Variants in ZNF8 observed in about 807,000 individuals in gnomAD.
The protein encoded by ZNF8 is zinc finger protein 272.
A neutral mutation model predicts 12.2 loss-of-function variants in ZNF8; 9 were observed. That is an observed-to-expected ratio of 0.73 (90% CI 0.44 to 1.28). The LOEUF (loss-of-function observed/expected upper bound fraction) is 1.28, where lower values mean the gene tolerates loss of function less well. Ranked by LOEUF, ZNF8 falls within the 50% of genes most tolerant of loss-of-function variation. The probability of loss-of-function intolerance (pLI) is 0.00; values close to 1 mark genes in which losing one functional copy is unlikely to be tolerated. For synonymous variants in ZNF8, 274 were observed against 282.3 expected (o/e 0.97, Z 0.30); for missense variants, 664 against 729.1 (o/e 0.91, Z 1.03).
chr19:58,290,710 C>T (rs1303298433), intron 3 of ZNF8, among the ~76,000 whole-genome samples: 1 of 151,864 alleles, frequency 6.6e-6, no homozygotes, highest in African/African-American at 2.4e-5. Context: ...CAGTGAGCTA[C>T]AATTTGCACC....
In ZNF8 at chr19:58,299,829, A is replaced by C. The variant is rs1195999715; in HGVS notation, c.*4293A>C. ...CTTTTTGGATGCTGGGAGTGTCACA[A>C]CTCAGCTATCCAATCAAGGCAGAGC... On this transcript the variant is annotated 3_prime_UTR_variant, in exon 4 of 4. Coordinates refer to ENST00000621650, the MANE Select transcript of ZNF8 (RefSeq NM_021089.3). 2 of 152,132 alleles carry C rather than the reference A, an allele frequency of 1.3e-5. No individual in the cohort carries two copies. The highest frequency in any genetic ancestry group is 4.8e-5 in the African/African-American group (2 of 41,434). The allele number at this position is 152,132 out of a possible 1,614,324, so 9.4% of individuals were successfully genotyped here.
At chr19:58,286,256 C>G (rs1157530406) in intron 3 of ZNF8, 51 bp downstream of exon 3, 1 of 1,523,206 alleles carries the variant, frequency 6.6e-7, no homozygotes, top group African/African-American at 1.4e-5. Flanking sequence ...TAGCAGGTCA[C>G]TGGAGATGCA....
chr19:58,281,258 T>C (rs1177497053), intron 1 of ZNF8, among the ~76,000 whole-genome samples: 1 of 151,890 alleles, frequency 6.6e-6, no homozygotes, highest in Non-Finnish European at 1.5e-5. Context: ...ACTAAGGCAG[T>C]GGGAAAAAGA....
chr19:58,293,995 C>A, intron 3 of ZNF8, 103 bp from the exon 4 acceptor site: 1 of 1,105,696 alleles, frequency 9.0e-7, no homozygotes, highest in Non-Finnish European at 1.3e-6. Flanking sequence ...GCCAGGGCAG[C>A]TGGTTAGGAC....
In ZNF8 at chr19:58,301,160, C is replaced by G. The variant is rs183948702; in HGVS notation, c.*5624C>G. ...TGTGCCGAAAGCTCCCCAAACCCAG[C>G]CTACCCCAAACAAAACTCATTTTCC... On this transcript the variant is annotated 3_prime_UTR_variant, in exon 4 of 4. Coordinates refer to ENST00000621650, the MANE Select transcript of ZNF8 (RefSeq NM_021089.3). 2 of 152,330 alleles carry G rather than the reference C, an allele frequency of 1.3e-5. No individual in the cohort carries two copies. Among genetic ancestry groups the G allele is most frequent in the Admixed American group, 1.3e-4 (2 of 15,288 alleles). 9.4% of individuals were successfully genotyped at this position (152,330 alleles called of 1,614,324 possible).
chr19:58,294,858 C>CA lies in ZNF8; in HGVS notation c.1052dup (p.Asn351LysfsTer50). 6.2e-7 allele frequency: 1 copy of CA among 1,614,118 alleles called. No individual in the cohort carries two copies. The highest frequency in any genetic ancestry group is 8.5e-7 in the Non-Finnish European group (1 of 1,180,006). ...AGTGTCAGGACTGTGGGAGGGCCTT[C>CA]AACCAGAACTCCTCCCTGGGGCGGC... On this transcript the variant is annotated frameshift_variant, in exon 4 of 4. Coordinates refer to ENST00000621650, the MANE Select transcript of ZNF8 (RefSeq NM_021089.3). LOFTEE classifies it low-confidence loss of function (END_TRUNC). This position sits in a 1 kb window ranked among gnomAD's most constrained non-coding sequence, Gnocchi z 5.5.
At position 58,295,458 on chromosome 19, in the gene ZNF8, A is replaced by G; in HGVS notation, c.1650A>G (p.Lys550=). The part of the protein sequence containing the change: ...LFDIQKIMQE[K]NPVHVIGVEE... ...ACATCCAAAAAATCATGCAAGAGAA[A>G]AACCCTGTGCACGTTATTGGGGTGG... Residue 550 remains lysine, a synonymous_variant, in exon 4 of 4, where the codon AAA becomes AAG. Transcript: ENST00000621650. The G allele has an allele frequency of 1.9e-6, 3 of 1,613,682 alleles. No individual in the cohort carries two copies. Among genetic ancestry groups the G allele is most frequent in the South Asian group, 1.1e-5 (1 of 91,088 alleles).
rs1210048440 is a variant in ZNF8 at position 58,298,028 on chromosome 19, C to A, written c.*2492C>A. ...AATTTCACTTAATTTCTTTTCTTTT[C>A]TTTTTTTTTTTTTTCTTTTGAGACG... is the stretch of plus-strand genomic sequence containing the variant. On this transcript the variant is annotated 3_prime_UTR_variant, in exon 4 of 4. Coordinates refer to ENST00000621650, the MANE Select transcript of ZNF8 (RefSeq NM_021089.3). 1 of 144,166 alleles carries A rather than the reference C, an allele frequency of 6.9e-6. No homozygotes were observed. The highest frequency in any genetic ancestry group is 1.5e-5 in the Non-Finnish European group (1 of 65,370). The allele number at this position is 144,166 out of a possible 1,614,324, so 8.9% of individuals were successfully genotyped here.
At position 58,287,337 on chromosome 19, in the gene ZNF8, C is replaced by CTTTTTT. The variant is rs35511685; in HGVS notation, c.289+1145_289+1150dup. 1.9e-4 allele frequency among the ~76,000 whole-genome samples: 22 copies of CTTTTTT among 117,786 alleles called. 1 individual carries two copies. Among genetic ancestry groups the CTTTTTT allele is most frequent in the South Asian group, 2.8e-4 (1 of 3,636 alleles). 77.3% of individuals were successfully genotyped at this position (117,786 alleles called of 152,430 possible). On this transcript the variant is annotated intron_variant, in intron 3 of 3. Coordinates refer to ENST00000621650, the MANE Select transcript of ZNF8 (RefSeq NM_021089.3). ...TACAGGCGTGAGCCACCATGCCCAG[C>CTTTTTT]TTTTTTTTTTTTTTTTTTGAGACCG...
At chr19:58,286,687 GT>G (rs1278641103) in intron 3 of ZNF8, 4 of 152,984 alleles carry the variant, frequency 2.6e-5, no homozygotes, top group African/African-American at 9.7e-5. Flanking sequence ...ATCAGTTAGG[GT>G]TGTGGGAACC....
chr19:58,286,898 C>G (rs1435222803), intron 3 of ZNF8: 1 of 152,486 alleles, frequency 6.6e-6, no homozygotes, highest in East Asian at 1.9e-4. Context: ...CTTCCTCCCT[C>G]TCTGCTTCAT....
rs1480310992 is a variant in ZNF8, at chr19:58,295,401, G to T, written c.1593G>T (p.Gly531=). 11 of 1,614,058 alleles carry T rather than the reference G, an allele frequency of 6.8e-6. No homozygotes were observed. The highest frequency in any genetic ancestry group is 1.3e-5 in the African/African-American group (1 of 74,940). The part of the protein sequence containing the change: ...RKSSAGGAKA[G]QPESRALALF... ...GCTCTGCAGGCGGAGCAAAGGCAGG[G>T]CAGCCGGAAAGCAGAGCCCTGGCTT... The change falls in exon 4 of 4, where the codon GGG becomes GGT. Residue 531 remains glycine (G), a synonymous_variant. Transcript: ENST00000621650.
At chr19:58,285,038 G>C (rs908658897) in intron 1 of ZNF8, among the ~76,000 whole-genome samples, 1 of 152,062 alleles carries the variant, frequency 6.6e-6, no homozygotes, top group African/African-American at 2.4e-5. Context: ...GTGTCCTTGT[G>C]GGCTCTTAAA....
At chr19:58,283,502 GCCCTCCAC>G (rs1272762396) in intron 1 of ZNF8, among the ~76,000 whole-genome samples, 2 of 151,714 alleles carry the variant, frequency 1.3e-5, no homozygotes, top group Non-Finnish European at 2.9e-5. Flanking sequence ...GCCATGTGAT[GCCCTCCAC>G]CATCTTATGT....
At position 58,294,416 on chromosome 19, in the gene ZNF8, A is replaced by C; in HGVS notation, c.608A>C (p.Tyr203Ser). Reference sequence around the variant, plus strand: ...TCTAGAGGGGAGTATTTGTATACTTACGACTCACAGATTACAGACTCAGAA... The same window carrying C: ...TCTAGAGGGGAGTATTTGTATACTTCCGACTCACAGATTACAGACTCAGAA... ...EISRGEYLYT[Y>S]DSQITDSEHN... The change falls in exon 4 of 4, where the codon TAC (tyrosine) becomes TCC (serine). Residue 203 changes from tyrosine (Y) to serine (S), a missense_variant. This residue lies in a region of ZNF8 where 306 missense variants were observed against 308.7 expected (regional missense o/e 0.99). Coordinates refer to ENST00000621650, the MANE Select transcript of ZNF8 (RefSeq NM_021089.3). This position sits in a 1 kb window ranked among gnomAD's most constrained non-coding sequence, Gnocchi z 5.5. The C allele has an allele frequency of 1.2e-6, 2 of 1,614,110 alleles. No individual in the cohort carries two copies. Among genetic ancestry groups the C allele is most frequent in the Non-Finnish European group, 1.7e-6 (2 of 1,180,036 alleles).
At chr19:58,283,687 C>T (rs925265677) in intron 1 of ZNF8, among the ~76,000 whole-genome samples, 1 of 149,258 alleles carries the variant, frequency 6.7e-6, no homozygotes, top group Non-Finnish European at 1.5e-5. Context: ...GCAAGCTCTG[C>T]CTCCCGGGTT....
chr19:58,282,305 A>G (rs1307720493), intron 1 of ZNF8, among the ~76,000 whole-genome samples: 2 of 152,184 alleles, frequency 1.3e-5, no homozygotes, highest in Admixed American at 6.6e-5. Context: ...AAATAACTAT[A>G]CAGATTCTTT....
chr19:58,291,147 CT>C (rs2051417161), intron 3 of ZNF8, among the ~76,000 whole-genome samples: 1 of 152,236 alleles, frequency 6.6e-6, no homozygotes, highest in Non-Finnish European at 1.5e-5. Context: ...TCCTTGGCCC[CT>C]GTCACTCGTC....
In ZNF8 at chr19:58,290,332, T is replaced by C. The variant is rs551532028; in HGVS notation, c.290-3766T>C. On this transcript the variant is annotated intron_variant, in intron 3 of 3. Transcript: ENST00000621650. The stretch of plus-strand genomic sequence containing the variant: ...GGTTTCACCGTGTTGGCCAGGATGG[T>C]CTCTATCTCCTGACCTCGTGATCCG... Among the ~76,000 whole-genome samples, 700 of 150,102 alleles carry C rather than the reference T, an allele frequency of 4.7e-3. 6 individuals carry two copies. The highest frequency in any genetic ancestry group is 0.017 in the African/African-American group (679 of 40,770).
Sources: gnomAD v4.1 joint callset for allele counts (sites outside exome capture counted in the v4.1 genomes callset) on GRCh38, gnomAD v4.1.1 for gene constraint, gnomAD v4.1.1 regional missense constraint, Gnocchi (gnomAD v3.1) non-coding constraint, MANE v1.5 for transcripts, NCBI Gene and HGNC (gene_info 2026-07-23, HGNC 2026-07-21) for gene names.